The following SYNPR variants were observed in gnomAD, a reference collection of about 807,000 sequenced individuals.
SYNPR encodes the protein synaptoporin.
A neutral mutation model predicts 32.9 loss-of-function variants in SYNPR; 23 were observed. That is an observed-to-expected ratio of 0.70 (90% CI 0.50 to 0.99). The LOEUF (loss-of-function observed/expected upper bound fraction) is 0.99, where lower values mean the gene tolerates loss of function less well. SYNPR is among the 50% of genes least tolerant of loss of function. SYNPR has a pLI of 0.00. For synonymous variants in SYNPR, 146 were observed against 135.9 expected (o/e 1.07, Z -0.52); for missense variants, 318 against 349.3 (o/e 0.91, Z 0.71).
intron 2 of SYNPR, among the ~76,000 whole-genome samples, chr3:63,416,664 T>C (rs943423436): frequency 6.6e-6 from 1 of 151,888 alleles, no homozygotes; most frequent in African/African-American, 2.4e-5. Context: ...AGAGGTTTAA[T>C]GGAGTCACAG....
chr3:63,247,691 C>G (rs114188883), intron 1 of SYNPR, among the ~76,000 whole-genome samples: 28 of 152,254 alleles, frequency 1.8e-4, no homozygotes, highest in Non-Finnish European at 3.8e-4. Context: ...TGGATTAATT[C>G]TCCTTCCAAT....
At chr3:63,247,795 G>A (rs1219795268) in intron 1 of SYNPR, among the ~76,000 whole-genome samples, 1 of 152,086 alleles carries the variant, frequency 6.6e-6, no homozygotes, top group East Asian at 1.9e-4. Flanking sequence ...ATACCGTGAG[G>A]TGAAGGGTCA....
chr3:63,513,328 T>C (rs1387437221), intron 3 of SYNPR, among the ~76,000 whole-genome samples: 1 of 152,078 alleles, frequency 6.6e-6, no homozygotes, highest in Non-Finnish European at 1.5e-5. Context: ...ATTACAGACA[T>C]GTGCCATTGC....
chr3:63,541,468 T>C (rs1255308118), intron 3 of SYNPR, among the ~76,000 whole-genome samples: 1 of 152,068 alleles, frequency 6.6e-6, no homozygotes, highest in Admixed American at 6.6e-5. Flanking sequence ...GTTCTTTCTA[T>C]TGACCTGAGT....
At chr3:63,356,622 T>C (rs534608932) in intron 2 of SYNPR, among the ~76,000 whole-genome samples, 13 of 152,294 alleles carry the variant, frequency 8.5e-5, no homozygotes, top group African/African-American at 2.9e-4. Context: ...AAATAACTCA[T>C]TGCATTTATT....
rs1306368684 is a variant in SYNPR at position 63,408,303 on chromosome 3, GGAAGGAAGGAAGGAAGGAAA to G, written c.85-72525_85-72506del. On this transcript the variant is annotated intron_variant, in intron 2 of 5. Transcript: ENST00000478300. Reference sequence around the variant, plus strand: ...AGGAAGGAAGGAAGGAAGGAAGGAAGGAAGGAAGGAAGGAAGGAAAGAAAGAAAGAAAGAAAGAAAGAAAG... The same window carrying G: ...AGGAAGGAAGGAAGGAAGGAAGGAAGGAAAGAAAGAAAGAAAGAAAGAAAG... 4.4e-4 allele frequency among the ~76,000 whole-genome samples: 41 copies of G among 92,574 alleles called. 1 individual carries two copies. Among genetic ancestry groups the G allele is most frequent in the African/African-American group, 2.4e-3 (39 of 16,014 alleles). 60.7% of individuals were successfully genotyped at this position (92,574 alleles called of 152,430 possible).
rs148744811 is a variant in SYNPR, at chr3:63,355,713, G to A, written c.84+76971G>A. Among the ~76,000 whole-genome samples, 801 of 148,488 alleles carry A rather than the reference G, an allele frequency of 5.4e-3. 9 individuals carry two copies. The highest frequency in any genetic ancestry group is 0.018 in the African/African-American group (732 of 40,612). ...GTGCTTCAGTACTCTGGCCCCCCCA[G>A]CCAGTGCTCAGCCCCCTTCTCTGCC... On this transcript the variant is annotated intron_variant, in intron 2 of 5. Transcript: ENST00000478300.
At chr3:63,529,945 C>T (rs1178460157) in intron 3 of SYNPR, among the ~76,000 whole-genome samples, 2 of 152,050 alleles carry the variant, frequency 1.3e-5, no homozygotes, top group Middle Eastern at 3.2e-3. Flanking sequence ...AGGGAAGACC[C>T]CTAACTTGAC....
intron 3 of SYNPR, among the ~76,000 whole-genome samples, chr3:63,495,329 G>A (rs1044496958): frequency 6.6e-6 from 1 of 152,136 alleles, no homozygotes. Flanking sequence ...GAGGGAAGAA[G>A]GAGATGAGCT....
At chr3:63,334,041 A>AT (rs2087258955) in intron 2 of SYNPR, among the ~76,000 whole-genome samples, 1 of 152,216 alleles carries the variant, frequency 6.6e-6, no homozygotes, top group Non-Finnish European at 1.5e-5. Flanking sequence ...GGTGATTAAT[A>AT]TTTTTTAGAA....
intron 2 of SYNPR, among the ~76,000 whole-genome samples, chr3:63,304,927 C>T (rs1043235155): frequency 3.9e-5 from 6 of 152,096 alleles, no homozygotes; most frequent in African/African-American, 7.2e-5. Flanking sequence ...TCAGTCCTAG[C>T]TTGCCATATT....
At chr3:63,403,465 CACACAT>C (rs1217867560) in intron 2 of SYNPR, among the ~76,000 whole-genome samples, 1 of 151,652 alleles carries the variant, frequency 6.6e-6, no homozygotes, top group African/African-American at 2.4e-5. Flanking sequence ...CACACACACA[CACACAT>C]AGAGAGAGAG....
At chr3:63,462,276 T>A (rs1207271216) in intron 2 of SYNPR, among the ~76,000 whole-genome samples, 1 of 152,158 alleles carries the variant, frequency 6.6e-6, no homozygotes, top group Non-Finnish European at 1.5e-5. Context: ...CCATTGTACC[T>A]CCTTGTACCT....
At chr3:63,284,752 C>T (rs900891768) in intron 2 of SYNPR, among the ~76,000 whole-genome samples, 15 of 152,078 alleles carry the variant, frequency 9.9e-5, no homozygotes, top group Non-Finnish European at 1.9e-4. Context: ...TGAAATGTGT[C>T]GTCATAACAT....
rs560223487 is a variant in SYNPR, at chr3:63,474,029, C to A, written c.85-6803C>A. Reference sequence around the variant, plus strand: ...TTATTTGGGGAGCAATGATGGGAAGCACAATGACAAGTGGGCGGTGGGATG... The same window carrying A: ...TTATTTGGGGAGCAATGATGGGAAGAACAATGACAAGTGGGCGGTGGGATG... On this transcript the variant is annotated intron_variant, in intron 2 of 5. Coordinates refer to ENST00000478300, the MANE Select transcript of SYNPR (RefSeq NM_001130003.2). Among the ~76,000 whole-genome samples the A allele has an allele frequency of 5.3e-5, 8 of 152,252 alleles. No individual in the cohort carries two copies. In the East Asian group the frequency reaches 1.5e-3, roughly 29 times the overall value.
At chr3:63,221,122 G>A in the SYNPR span, among the ~76,000 whole-genome samples, 1 of 152,134 alleles carries the variant, frequency 6.6e-6, no homozygotes, top group South Asian at 2.1e-4. Flanking sequence ...TTACATTTGA[G>A]AGGCCTGTGA....
intron 2 of SYNPR, among the ~76,000 whole-genome samples, chr3:63,266,166 T>A (rs530900001): frequency 6.6e-6 from 1 of 152,286 alleles, no homozygotes; most frequent in South Asian, 2.1e-4. Context: ...CAAACCAAAG[T>A]GTGCACATGT....
chr3:63,451,456 A>G (rs1338593661), intron 2 of SYNPR, among the ~76,000 whole-genome samples: 1 of 152,210 alleles, frequency 6.6e-6, no homozygotes, highest in Non-Finnish European at 1.5e-5. Flanking sequence ...TAACTATAAT[A>G]AAACCAAATG....
intron 2 of SYNPR, chr3:63,351,353 TCC>T (rs1205032695): frequency 3.9e-5 from 6 of 152,236 alleles, no homozygotes; most frequent in Non-Finnish European, 7.3e-5. Context: ...ACTGCATACT[TCC>T]AGTAGAGGGT....
Sources: allele counts gnomAD v4.1 joint callset (sites outside exome capture counted in the v4.1 genomes callset), GRCh38; gene constraint gnomAD v4.1.1; transcripts MANE v1.5; gene names NCBI Gene and HGNC (gene_info 2026-07-23, HGNC 2026-07-21).